The following STAU2 variants were observed in gnomAD, a reference collection of about 807,000 sequenced individuals.
STAU2 encodes the protein staufen double-stranded RNA binding protein 2.
In STAU2, 20 loss-of-function variants were observed where a neutral mutation model predicts 65.9. The observed-to-expected ratio is 0.30, with a 90% confidence interval of 0.21 to 0.44. The LOEUF (loss-of-function observed/expected upper bound fraction) is 0.44, where lower values mean the gene tolerates loss of function less well. Among genes scored for constraint, STAU2 ranks in the 20% least tolerant of loss-of-function variants. The pLI is 1.00. For missense variants in STAU2, 558 were observed against 683.9 expected (o/e 0.82, Z 2.05); for synonymous variants, 232 against 233.9 (o/e 0.99, Z 0.07).
intron 11 of STAU2, among the ~76,000 whole-genome samples, chr8:73,589,054 C>T (rs1810581418): frequency 6.6e-6 from 1 of 152,144 alleles, no homozygotes; most frequent in Non-Finnish European, 1.5e-5. Flanking sequence ...ACCTCTAAAC[C>T]TGAGGGCTGA....
At chr8:73,673,073 T>C (rs373342350) in intron 6 of STAU2, 34 bp downstream of exon 6, 19 of 1,493,448 alleles carry the variant, frequency 1.3e-5, no homozygotes, top group Non-Finnish European at 1.7e-5. Flanking sequence ...GATAAAATAA[T>C]AATTAAGAAC....
chr8:73,629,160 T>A (rs989812123), intron 6 of STAU2, among the ~76,000 whole-genome samples: 2 of 152,166 alleles, frequency 1.3e-5, no homozygotes, highest in African/African-American at 4.8e-5. Context: ...ACAGAAAAAA[T>A]TTACTTGGCA....
chr8:73,448,826 G>A (rs900665800), intron 13 of STAU2, among the ~76,000 whole-genome samples: 1 of 152,268 alleles, frequency 6.6e-6, no homozygotes, highest in Non-Finnish European at 1.5e-5. Context: ...GGGACGTCGC[G>A]TGCCTGCACT....
intron 8 of STAU2, 65 bp from the exon 9 acceptor site, chr8:73,614,021 CTT>C (rs1312276405): frequency 1.6e-5 from 21 of 1,322,176 alleles, no homozygotes; most frequent in Admixed American, 1.1e-4. Context: ...TAAAGTATGA[CTT>C]AATATTCATA....
chr8:73,483,095 G>C (rs1020488238), intron 13 of STAU2, among the ~76,000 whole-genome samples: 4 of 152,092 alleles, frequency 2.6e-5, no homozygotes, highest in Non-Finnish European at 5.9e-5. Context: ...ACAGACTCTG[G>C]AGGGTGGAGT....
intron 6 of STAU2, chr8:73,651,352 G>A (rs958893386): frequency 5.9e-6 from 4 of 683,262 alleles, no homozygotes; most frequent in African/African-American, 5.2e-5. Context: ...AGCACCACCA[G>A]TACCTGGGCC....
In STAU2 at chr8:73,501,632, T is replaced by C. The variant is rs563237885; in HGVS notation, c.1530+50380A>G. Among the ~76,000 whole-genome samples the C allele has an allele frequency of 5.9e-5, 9 of 152,052 alleles. No individual in the cohort carries two copies. The East Asian group carries it at 1.4e-3, about 23-fold the overall frequency. ...CATATTCTACTATGATGTTAATATG[T>C]TTTCCTGGGGAAAGAATCTTAGATT... On this transcript the variant is annotated intron_variant, in intron 13 of 14. Coordinates refer to ENST00000524300, the MANE Select transcript of STAU2 (RefSeq NM_001164380.2).
chr8:73,475,030 G>A (rs769962401), intron 13 of STAU2, among the ~76,000 whole-genome samples: 54 of 152,142 alleles, frequency 3.5e-4, no homozygotes, highest in Non-Finnish European at 6.9e-4. Context: ...AGTATTTACA[G>A]TAAGATTTCA....
intron 2 of STAU2, among the ~76,000 whole-genome samples, chr8:73,738,817 C>A (rs1474878431): frequency 5.3e-5 from 8 of 152,070 alleles, no homozygotes; most frequent in Non-Finnish European, 1.2e-4. Flanking sequence ...ATAAATTAAT[C>A]CTAAAGAAGA....
chr8:73,698,780 T>A (rs1188950637), intron 4 of STAU2, among the ~76,000 whole-genome samples: 1 of 151,318 alleles, frequency 6.6e-6, no homozygotes, highest in Non-Finnish European at 1.5e-5. Flanking sequence ...AACATCAGAG[T>A]TATTCTGCAC....
chr8:73,428,529 T>A (rs1371302256), intron 13 of STAU2, among the ~76,000 whole-genome samples: 1 of 152,122 alleles, frequency 6.6e-6, no homozygotes, highest in Non-Finnish European at 1.5e-5. Context: ...AGAGGGCTAC[T>A]GAGAGCCAGG....
chr8:73,478,842 G>C (rs1247502775), intron 13 of STAU2, among the ~76,000 whole-genome samples: 1 of 152,124 alleles, frequency 6.6e-6, no homozygotes, highest in African/African-American at 2.4e-5. Context: ...AGACAGGTGG[G>C]TAGATGGATA....
intron 11 of STAU2, among the ~76,000 whole-genome samples, chr8:73,583,169 C>A (rs1810117804): frequency 6.9e-6 from 1 of 145,612 alleles, no homozygotes; most frequent in Non-Finnish European, 1.5e-5. Context: ...TTTTTTGAGA[C>A]AGAGTCTCAT....
chr8:73,673,060 A>G, intron 6 of STAU2, 47 bp downstream of exon 6: 1 of 1,449,658 alleles, frequency 6.9e-7, no homozygotes, highest in South Asian at 1.6e-5. Context: ...CTTTTATAAC[A>G]TGGATAAAAT....
intron 13 of STAU2, among the ~76,000 whole-genome samples, chr8:73,452,503 C>A (rs971981468): frequency 2.0e-5 from 3 of 152,132 alleles, no homozygotes; most frequent in Non-Finnish European, 2.9e-5. Flanking sequence ...GCCATTTCCC[C>A]CTGTAACAAT....
intron 3 of STAU2, among the ~76,000 whole-genome samples, chr8:73,709,921 C>A (rs1820775536): frequency 6.6e-6 from 1 of 151,848 alleles, no homozygotes; most frequent in Admixed American, 6.6e-5. Context: ...AGTTTACTTT[C>A]TTCACTCTTC....
intron 13 of STAU2, among the ~76,000 whole-genome samples, chr8:73,545,227 G>A (rs755387672): frequency 5.3e-5 from 8 of 152,076 alleles, no homozygotes; most frequent in Non-Finnish European, 1.2e-4. Context: ...CTGTTTTCCA[G>A]CAATGGTTCA....
intron 5 of STAU2, among the ~76,000 whole-genome samples, chr8:73,680,396 G>A (rs1441377172): frequency 6.6e-6 from 1 of 152,094 alleles, no homozygotes; most frequent in Non-Finnish European, 1.5e-5. Flanking sequence ...CAGCTCTCAG[G>A]AAGCCCCATT....
At chr8:73,527,290 C>T (rs543809796) in intron 13 of STAU2, 6 of 160,224 alleles carry the variant, frequency 3.7e-5, no homozygotes, top group Admixed American at 5.9e-5. Context: ...CATTAAGTGA[C>T]GCATCACTGT....
Sources: allele counts gnomAD v4.1 joint callset (sites outside exome capture counted in the v4.1 genomes callset), GRCh38; gene constraint gnomAD v4.1.1; transcripts MANE v1.5; gene names NCBI Gene and HGNC (gene_info 2026-07-23, HGNC 2026-07-21).